The following TANC2 variants were observed in gnomAD, a reference collection of about 807,000 sequenced individuals.
TANC2 encodes protein TANC2.
Under a neutral mutation model 210.5 loss-of-function variants are expected in TANC2, and 26 were observed. The observed-to-expected ratio is 0.12, with a 90% CI of 0.09 to 0.17. The LOEUF (loss-of-function observed/expected upper bound fraction) is 0.17, where lower values mean the gene tolerates loss of function less well. Ranked by LOEUF, TANC2 falls within the 10% of genes least tolerant of loss-of-function variation. The probability of loss-of-function intolerance (pLI) is 1.00; values close to 1 mark genes in which losing one functional copy is unlikely to be tolerated. For missense variants in TANC2, 2,129 were observed against 2,608.9 expected (o/e 0.82, Z 4.01); for synonymous variants, 931 against 967.1 (o/e 0.96, Z 0.69).
chr17:63,381,401 C>T (rs908181709), intron 15 of TANC2: 3 of 152,126 alleles, frequency 2.0e-5, no homozygotes, highest in African/African-American at 7.2e-5. Flanking sequence ...TATGGTTTTC[C>T]TGGTGCTGCA....
chr17:63,078,206 A>G (rs1324189926), intron 3 of TANC2, among the ~76,000 whole-genome samples: 3 of 152,208 alleles, frequency 2.0e-5, no homozygotes, highest in Non-Finnish European at 4.4e-5. Context: ...ATATAGGACT[A>G]TTAAAATTAT....
At chr17:63,242,458 G>T (rs2042799946) in intron 8 of TANC2, among the ~76,000 whole-genome samples, 1 of 151,882 alleles carries the variant, frequency 6.6e-6, no homozygotes, top group Admixed American at 6.6e-5. Flanking sequence ...ATGATCCTCT[G>T]TATCTGTGGT....
At chr17:63,423,441 T>C (rs1283270281) in exon 28 of TANC2, 1 of 152,238 alleles carries the variant, frequency 6.6e-6, no homozygotes, top group African/African-American at 2.4e-5. Context: ...GGCCTGGCAC[T>C]GGCTGTACAT....
At chr17:63,259,856 A>AT (rs1230945944) in intron 8 of TANC2, among the ~76,000 whole-genome samples, 1 of 152,174 alleles carries the variant, frequency 6.6e-6, no homozygotes, top group Non-Finnish European at 1.5e-5. Flanking sequence ...TATCAGCTTA[A>AT]AAAGTACCCT....
At chr17:63,201,622 C>CTTT (rs76234428) in intron 7 of TANC2, among the ~76,000 whole-genome samples, 2 of 139,842 alleles carry the variant, frequency 1.4e-5, no homozygotes, top group Non-Finnish European at 3.1e-5. Context: ...TTTCTTATAC[C>CTTT]TTTTTTTTTT....
At chr17:63,282,341 AAG>A (rs1275021444) in intron 9 of TANC2, among the ~76,000 whole-genome samples, 3 of 152,200 alleles carry the variant, frequency 2.0e-5, no homozygotes, top group Admixed American at 2.0e-4. Flanking sequence ...AGAAAATATA[AAG>A]AGATATTATA....
In TANC2 at chr17:63,421,558, C is replaced by T. The variant is rs1416403749; in HGVS notation, c.5828C>T (p.Pro1943Leu). Residue 1943 changes from proline (P) to leucine (L), a missense_variant, in exon 28 of 28, where the codon CCC becomes CTC. Coordinates refer to ENST00000689528, the Ensembl canonical transcript of TANC2. The surrounding 1 kb of genome is among the most constrained non-coding windows in gnomAD (Gnocchi z 6.9). ...AAAACAGCACGGACTCAGCAGTACC[C>T]CCACCTCCACCAGCAGAATCGGACC... is the stretch of plus-strand genomic sequence containing the variant. 2 of 1,613,908 alleles carry T rather than the reference C, an allele frequency of 1.2e-6. No homozygotes were observed. Among genetic ancestry groups the T allele is most frequent in the Non-Finnish European group, 8.5e-7 (1 of 1,179,904 alleles).
chr17:63,394,132 T>G (rs2048079878), intron 17 of TANC2, among the ~76,000 whole-genome samples: 1 of 152,216 alleles, frequency 6.6e-6, no homozygotes. Context: ...CATCATTCCC[T>G]CAACATGTAT....
chr17:63,410,444 A>C lies in TANC2; in HGVS notation c.3590-1067A>C, dbSNP rs1223583911. On this transcript the variant is annotated intron_variant, in intron 21 of 27. Coordinates refer to ENST00000689528, the Ensembl canonical transcript of TANC2. ...TAGATTTCTTTCTTGTCCTGGGCTC[A>C]GTGTCCTCTCGTGTTTATTTCCCCC... Among the ~76,000 whole-genome samples, 3 of 149,994 alleles carry C rather than the reference A, an allele frequency of 2.0e-5. No individual in the cohort carries two copies. In the Admixed American group the frequency reaches 2.0e-4, roughly 10 times the overall value.
intron 9 of TANC2, among the ~76,000 whole-genome samples, chr17:63,270,338 C>A (rs1229146691): frequency 6.6e-6 from 1 of 152,120 alleles, no homozygotes; most frequent in African/African-American, 2.4e-5. Flanking sequence ...TTTCTTCAGA[C>A]CTGCTTGGCA....
chr17:63,187,117 T>C (rs2041016226), intron 5 of TANC2, among the ~76,000 whole-genome samples: 1 of 152,086 alleles, frequency 6.6e-6, no homozygotes, highest in African/African-American at 2.4e-5. Flanking sequence ...TTGAGAAATT[T>C]TGAGAGTTTT....
At chr17:63,400,105 G>A (rs2048297170) in intron 19 of TANC2, among the ~76,000 whole-genome samples, 1 of 152,260 alleles carries the variant, frequency 6.6e-6, no homozygotes, top group African/African-American at 2.4e-5. Context: ...GTGACCCAGA[G>A]CTGCAGGAGG....
At chr17:63,220,703 C>CAAAA (rs373846699) in intron 7 of TANC2, among the ~76,000 whole-genome samples, 1 of 91,998 alleles carries the variant, frequency 1.1e-5, no homozygotes, top group South Asian at 3.3e-4. Flanking sequence ...GAATCAGTCT[C>CAAAA]AAAAAAAAAA....
At chr17:63,076,840 A>C (rs1051423165) in intron 3 of TANC2, among the ~76,000 whole-genome samples, 1 of 152,184 alleles carries the variant, frequency 6.6e-6, no homozygotes, top group African/African-American at 2.4e-5. Context: ...TGCTGAAAGA[A>C]ACTCTGAAAA....
intron 7 of TANC2, among the ~76,000 whole-genome samples, chr17:63,204,534 G>A (rs534934199): frequency 1.8e-4 from 27 of 152,088 alleles, no homozygotes; most frequent in Admixed American, 7.2e-4. Context: ...GGAGGCTGAG[G>A]CAGGAGGATC....
intron 4 of TANC2, chr17:63,148,587 G>A (rs2039542128): frequency 1.3e-5 from 2 of 152,158 alleles, no homozygotes; most frequent in African/African-American, 4.8e-5. Flanking sequence ...TGTTCCCAGT[G>A]TCAGTTCCAA....
At chr17:62,993,614 G>A (rs1326707815) in intron 1 of TANC2, among the ~76,000 whole-genome samples, 4 of 151,950 alleles carry the variant, frequency 2.6e-5, no homozygotes, top group Non-Finnish European at 5.9e-5. Flanking sequence ...ATTGTTCATT[G>A]ATAGTCTAAA....
intron 11 of TANC2, among the ~76,000 whole-genome samples, chr17:63,325,365 C>CT (rs2045615630): frequency 6.6e-6 from 1 of 152,150 alleles, no homozygotes; most frequent in African/African-American, 2.4e-5. Context: ...CCTTTGCATA[C>CT]TTTTTTCCCC....
intron 2 of TANC2, among the ~76,000 whole-genome samples, chr17:63,050,496 T>C (rs1490414942): frequency 6.6e-6 from 1 of 152,178 alleles, no homozygotes; most frequent in Non-Finnish European, 1.5e-5. Flanking sequence ...CATGAGTCTA[T>C]TTGAGCTAAC....
Sources: allele counts gnomAD v4.1 joint callset (sites outside exome capture counted in the v4.1 genomes callset), GRCh38; gene constraint gnomAD v4.1.1; non-coding constraint Gnocchi (gnomAD v3.1); transcripts MANE v1.5; gene names NCBI Gene and HGNC (gene_info 2026-07-23, HGNC 2026-07-21).